PLCD3: variants seen among roughly 807,000 people sequenced by gnomAD.
The protein encoded by PLCD3 is 1-phosphatidylinositol 4,5-bisphosphate phosphodiesterase delta-3.
PLCD3 carries 62 observed loss-of-function variants against 82.8 expected under a neutral mutation model. The observed-to-expected ratio is 0.75, with a 90% confidence interval of 0.61 to 0.93. The LOEUF (loss-of-function observed/expected upper bound fraction) is 0.93, where lower values mean the gene tolerates loss of function less well. PLCD3 is among the 40% of genes least tolerant of loss of function. The pLI is 0.00. For synonymous variants in PLCD3, 478 were observed against 471.8 expected (o/e 1.01, Z -0.17); for missense variants, 1,023 against 1,103.4 (o/e 0.93, Z 1.03).
intron 11 of PLCD3, 124 bp from the exon 12 acceptor site, chr17:45,113,729 G>GC: frequency 3.2e-6 from 4 of 1,245,164 alleles, no homozygotes; most frequent in Non-Finnish European, 4.4e-6. Context: ...GTGCTGCTCT[G>GC]CTCCCACCAT....
chr17:45,118,594 A>G lies in PLCD3; in HGVS notation c.914-102T>C. The G allele has an allele frequency of 7.3e-7, 1 of 1,362,214 alleles. No individual in the cohort carries two copies. The highest frequency in any genetic ancestry group is 2.1e-4 in the Middle Eastern group (1 of 4,784). The allele number at this position is 1,362,214 out of a possible 1,614,324, so 84.4% of individuals were successfully genotyped here. A position where few individuals can be genotyped will look rare whatever the true frequency, so the allele number is the denominator to read the frequency against. ...CTCAGCTTAGGAATAATGACTAGAC[A>G]ATCTACTGACTAGACTCCATGTAAG... On this transcript the variant is annotated intron_variant, in intron 5 of 14. Transcript: ENST00000619929. This position sits in a 1 kb window ranked among gnomAD's most constrained non-coding sequence, Gnocchi z 4.1.
At chr17:45,130,474 G>A (rs565478076) in intron 1 of PLCD3, among the ~76,000 whole-genome samples, 2 of 152,270 alleles carry the variant, frequency 1.3e-5, no homozygotes, top group East Asian at 3.9e-4. Flanking sequence ...CCTCCCCTCA[G>A]CCCTTCCGCG....
At chr17:45,116,008 T>C (rs998989216) in intron 8 of PLCD3, among the ~76,000 whole-genome samples, 1 of 152,198 alleles carries the variant, frequency 6.6e-6, no homozygotes, top group African/African-American at 2.4e-5. Flanking sequence ...TCTTTTACCA[T>C]ACGGGTGTGA....
At chr17:45,121,592 C>G (rs1018824183) in intron 1 of PLCD3, among the ~76,000 whole-genome samples, 1 of 152,198 alleles carries the variant, frequency 6.6e-6, no homozygotes, top group Non-Finnish European at 1.5e-5. Context: ...TAAACGCCCC[C>G]CAACCCGTAC....
In PLCD3 at chr17:45,118,257, G is replaced by A; in HGVS notation, c.1115+34C>T. On this transcript the variant is annotated intron_variant, in intron 6 of 14. Transcript: ENST00000619929. This position sits in a 1 kb window ranked among gnomAD's most constrained non-coding sequence, Gnocchi z 4.1. ...CCAGCCCATGTCTCTCCCCAGGTGG[G>A]GCTCCCGGAAACATTCACCCCCTGC... 4 of 1,613,122 alleles carry A rather than the reference G, an allele frequency of 2.5e-6. No individual in the cohort carries two copies. The highest frequency in any genetic ancestry group is 3.4e-6 in the Non-Finnish European group (4 of 1,179,284).
chr17:45,128,227 C>T (rs946428725), intron 1 of PLCD3, among the ~76,000 whole-genome samples: 7 of 152,184 alleles, frequency 4.6e-5, no homozygotes, highest in Non-Finnish European at 1.0e-4. Flanking sequence ...GAAAGGCAGG[C>T]GGTGCTTCCC....
At position 45,121,115 on chromosome 17, in the gene PLCD3, A is replaced by C. The variant is rs2143573193; in HGVS notation, c.341T>G (p.Ile114Ser). ...CTGGTGGCCCTCGCGGACCGCCTCG[A>C]TGTGCTGCACGAAGACTGAGAGGAG... ...PSQHIFFVQH[I>S]EAVREGHQSE... Residue 114 changes from isoleucine (I) to serine (S), a missense_variant, in exon 3 of 15, where the codon ATC becomes AGC. Ile to Ser is a moderately radical substitution (Grantham distance 142, BLOSUM62 -2). Around this residue, in one of 3 missense-constraint regions of PLCD3, gnomAD observed 448 missense variants for 406.3 expected, o/e 1.10. Transcript: ENST00000619929. The C allele has an allele frequency of 6.5e-7, 1 of 1,528,484 alleles. No individual in the cohort carries two copies. Among genetic ancestry groups the C allele is most frequent in the East Asian group, 2.5e-5 (1 of 40,450 alleles). The allele number at this position is 1,528,484 out of a possible 1,614,324, so 94.7% of individuals were successfully genotyped here. A position where few individuals can be genotyped will look rare whatever the true frequency, so the allele number is the denominator to read the frequency against.
chr17:45,116,571 G>A, intron 8 of PLCD3, 61 bp downstream of exon 8: 1 of 1,492,118 alleles, frequency 6.7e-7, no homozygotes, highest in Non-Finnish European at 9.0e-7. Context: ...CACGAGCAGT[G>A]CGGGGAGGCG....
In PLCD3 at chr17:45,118,790, G is replaced by T; in HGVS notation, c.913+25C>A. On this transcript the variant is annotated intron_variant, in intron 5 of 14. Coordinates refer to ENST00000619929, the MANE Select transcript of PLCD3 (RefSeq NM_133373.5). This position sits in a 1 kb window ranked among gnomAD's most constrained non-coding sequence, Gnocchi z 4.1. The stretch of plus-strand genomic sequence containing the variant: ...GGAACACAGCCCTTTCAGGTGCCAC[G>T]ACCTGGCCGTGCCACCCCCCCCACC... 2 of 1,586,832 alleles carry T rather than the reference G, an allele frequency of 1.3e-6. No individual in the cohort carries two copies. Among genetic ancestry groups the T allele is most frequent in the South Asian group, 2.2e-5 (2 of 89,370 alleles).
chr17:45,132,444 C>G lies in PLCD3; in HGVS notation c.-34G>C, dbSNP rs1195813277. ...GGGGGGCCGGGGCCGGGCCCGGGGT[C>G]TGCACGCGGGGACAGGGCAGCGGGG... On this transcript the variant is annotated 5_prime_UTR_variant, in exon 1 of 15. Coordinates refer to ENST00000619929, the MANE Select transcript of PLCD3 (RefSeq NM_133373.5). The surrounding 1 kb of genome is among the most constrained non-coding windows in gnomAD (Gnocchi z 4.6). The G allele has an allele frequency of 8.5e-7, 1 of 1,178,690 alleles. No homozygotes were observed. Among genetic ancestry groups the G allele is most frequent in the East Asian group, 3.7e-5 (1 of 27,396 alleles). The allele number at this position is 1,178,690 out of a possible 1,614,324, so 73.0% of individuals were successfully genotyped here.
chr17:45,113,745 T>C, intron 11 of PLCD3, 140 bp from the exon 12 acceptor site: 1 of 1,094,590 alleles, frequency 9.1e-7, no homozygotes, highest in Admixed American at 2.8e-5. Context: ...ACCATGACTT[T>C]AGGGGAGGGG....
In PLCD3 at chr17:45,121,377, C is replaced by A. The variant is rs1337718127; in HGVS notation, c.164-5G>T. 1.3e-6 allele frequency: 2 copies of A among 1,502,458 alleles called. No homozygotes were observed. Among genetic ancestry groups the A allele is most frequent in the East Asian group, 2.5e-5 (1 of 39,634 alleles). The allele number at this position is 1,502,458 out of a possible 1,614,324, so 93.1% of individuals were successfully genotyped here. On this transcript the variant is annotated splice_polypyrimidine_tract_variant and splice_region_variant and intron_variant, in intron 1 of 14. Transcript: ENST00000619929. ...CGTCCTCGTCCTCCGTCAGGCCTGG[C>A]GGGGCGGGAGGACCCGGGGCGTCAG...
intron 7 of PLCD3, among the ~76,000 whole-genome samples, chr17:45,117,370 TGAGTAACTCAGCCTACA>T (rs144993596): frequency 0.017 from 2,546 of 152,270 alleles, 69 homozygotes; most frequent in African/African-American, 0.058. Flanking sequence ...CTCAGCCTCC[TGAGTAACTCAGCCTACA>T]GGCACATGCC....
rs1008546658 is a variant in PLCD3, at chr17:45,118,224, C to A, written c.1115+67G>T. On this transcript the variant is annotated intron_variant, in intron 6 of 14. Coordinates refer to ENST00000619929, the MANE Select transcript of PLCD3 (RefSeq NM_133373.5). This position sits in a 1 kb window ranked among gnomAD's most constrained non-coding sequence, Gnocchi z 4.1. ...GCAGGCAGGCTGGGCCAGGAAGGCC[C>A]CAGGAAGCCAGCCCATGTCTCTCCC... 71 of 1,610,920 alleles carry A rather than the reference C, an allele frequency of 4.4e-5. No individual in the cohort carries two copies. The highest frequency in any genetic ancestry group is 5.6e-5 in the Non-Finnish European group (66 of 1,177,976).
intron 11 of PLCD3, 71 bp downstream of exon 11, chr17:45,114,179 G>A: frequency 1.8e-6 from 2 of 1,130,436 alleles, no homozygotes; most frequent in Non-Finnish European, 2.5e-6. Flanking sequence ...GGCTGTGTGG[G>A]CCCCTCACTG....
At position 45,121,137 on chromosome 17, in the gene PLCD3, G is replaced by T; in HGVS notation, c.326-7C>A. On this transcript the variant is annotated splice_polypyrimidine_tract_variant and splice_region_variant and intron_variant, in intron 2 of 14. Transcript: ENST00000619929. ...TCGATGTGCTGCACGAAGACTGAGA[G>T]GAGGGCCGGGTCAGGGCGGAGGACC... The T allele has an allele frequency of 1.3e-6, 2 of 1,520,484 alleles. No individual in the cohort carries two copies. Among genetic ancestry groups the T allele is most frequent in the South Asian group, 2.5e-5 (2 of 80,982 alleles). 94.2% of individuals were successfully genotyped at this position (1,520,484 alleles called of 1,614,324 possible).
chr17:45,126,237 G>C (rs941598966), intron 1 of PLCD3, among the ~76,000 whole-genome samples: 1 of 151,796 alleles, frequency 6.6e-6, no homozygotes, highest in Non-Finnish European at 1.5e-5. Context: ...TAGTAGAGAC[G>C]GGGTTTCACC....
In PLCD3 at chr17:45,121,219, T is replaced by A. The variant is rs765472343; in HGVS notation, c.317A>T (p.Gln106Leu). Reference sequence around the variant, plus strand: ...GCTCCCCGGCCTCTCACAGATGTGCTGCGATGGCGCACGCGGGATGCGCCG... The same window carrying A: ...GCTCCCCGGCCTCTCACAGATGTGCAGCGATGGCGCACGCGGGATGCGCCG... ...FQRRIPRAPS[Q>L]HIFFVQHIEA... The change falls in exon 2 of 15, where the codon CAG (glutamine) becomes CTG (leucine). Residue 106 changes from glutamine (Q) to leucine (L), a missense_variant. This residue lies in a region of PLCD3 where 448 missense variants were observed against 406.3 expected (regional missense o/e 1.10). Transcript: ENST00000619929. 6.3e-7 allele frequency: 1 copy of A among 1,586,972 alleles called. No homozygotes were observed. The highest frequency in any genetic ancestry group is 1.7e-5 in the Admixed American group (1 of 58,704).
Position 45,112,717 on chromosome 17 carries a change from C to G in PLCD3, c.2282-13G>C, listed in dbSNP as rs1435197581. The stretch of plus-strand genomic sequence containing the variant: ...ATGTGGCGGTACCCTGTAGGGAGGA[C>G]AGCCAGGCCTCAGGTCCTCTGTGCA... On this transcript the variant is annotated splice_polypyrimidine_tract_variant and intron_variant, in intron 14 of 14. Coordinates refer to ENST00000619929, the MANE Select transcript of PLCD3 (RefSeq NM_133373.5). The G allele has an allele frequency of 1.4e-5, 22 of 1,600,176 alleles. No individual in the cohort carries two copies. The South Asian group carries it at 2.4e-4, about 17-fold the overall frequency.
Sources: allele counts gnomAD v4.1 joint callset (sites outside exome capture counted in the v4.1 genomes callset), GRCh38; gene constraint gnomAD v4.1.1; regional missense constraint gnomAD v4.1.1; non-coding constraint Gnocchi (gnomAD v3.1); transcripts MANE v1.5; gene names NCBI Gene and HGNC (gene_info 2026-07-23, HGNC 2026-07-21).